ANXA11: variants seen among roughly 807,000 people sequenced by gnomAD.
ANXA11 encodes annexin A11, also known as 56 kDa autoantigen.
ANXA11 carries 57 observed loss-of-function variants against 64.7 expected under a neutral mutation model. The ratio of observed to expected loss-of-function variants is 0.88; its 90% confidence interval spans 0.71 to 1.10. The LOEUF is 1.10. ANXA11 is among the 50% of genes least tolerant of loss of function. ANXA11 has a pLI of 0.00. For missense variants in ANXA11, 675 were observed against 670.7 expected, an observed-to-expected ratio of 1.01 and a Z score of -0.07; for synonymous variants, 260 against 265.2, an observed-to-expected ratio of 0.98 and a Z score of 0.19.
At chr10:80,183,609 C>T (rs1846434045) in intron 1 of ANXA11, among the ~76,000 whole-genome samples, 1 of 152,210 alleles carries the variant, frequency 6.6e-6, no homozygotes, top group African/African-American at 2.4e-5. Context: ...GACGACAAAA[C>T]CTGACATCCC....
intron 3 of ANXA11, chr10:80,171,661 G>T (rs918146690): frequency 1.8e-5 from 18 of 985,416 alleles, no homozygotes; most frequent in African/African-American, 1.0e-4. Flanking sequence ...TCATCATGGG[G>T]CCTCTGGCCT....
chr10:80,157,045 A>T, intron 15 of ANXA11: 2 of 985,386 alleles, frequency 2.0e-6, no homozygotes, highest in Non-Finnish European at 2.4e-6. Flanking sequence ...GCTAGTGTTT[A>T]ATAGACACTT....
At chr10:80,161,437 ATTG>A (rs570542518) in intron 12 of ANXA11, among the ~76,000 whole-genome samples, 84 of 151,914 alleles carry the variant, frequency 5.5e-4, no homozygotes, top group African/African-American at 2.0e-3. Context: ...ATTTTATTTC[ATTG>A]TTGTTTACTG....
rs1564599570 is a variant in ANXA11 at position 80,159,203 on chromosome 10, G to A, written c.1181-8C>T. ...TCTGGTACTCATTGAAAACTATGGG[G>A]ATGACAGAGGCTTATATTATGAACT... On this transcript the variant is annotated splice_region_variant and splice_polypyrimidine_tract_variant and intron_variant, in intron 12 of 15. Transcript: ENST00000422982. 1 of 1,609,798 alleles carries A rather than the reference G, an allele frequency of 6.2e-7. No homozygotes were observed. The highest frequency in any genetic ancestry group is 1.3e-5 in the African/African-American group (1 of 74,804).
intron 1 of ANXA11, among the ~76,000 whole-genome samples, chr10:80,185,480 C>T (rs559078255): frequency 5.3e-5 from 8 of 152,346 alleles, no homozygotes; most frequent in African/African-American, 1.9e-4. Context: ...AACTACACAT[C>T]CCCTTTCCAG....
At chr10:80,188,751 GAC>G (rs1846649067) in intron 1 of ANXA11, among the ~76,000 whole-genome samples, 1 of 152,148 alleles carries the variant, frequency 6.6e-6, no homozygotes, top group African/African-American at 2.4e-5. Flanking sequence ...TGTAAAGCAG[GAC>G]ACAGTTATCT....
Position 80,153,329 on chromosome 10 carries a change from G to C in ANXA11, c.*2524C>G, listed in dbSNP as rs969613839. The C allele has an allele frequency of 2.0e-5, 3 of 152,220 alleles. No homozygotes were observed. Among genetic ancestry groups the C allele is most frequent in the Admixed American group, 2.0e-4 (3 of 15,278 alleles). 9.4% of individuals were successfully genotyped at this position (152,220 alleles called of 1,614,324 possible). Reference sequence around the variant, plus strand: ...ATTTCTGAGTTTTCAAGAGAAGCCAGAATTCCAGATTTTTAAAAATATGAA... The same window carrying C: ...ATTTCTGAGTTTTCAAGAGAAGCCACAATTCCAGATTTTTAAAAATATGAA... On this transcript the variant is annotated 3_prime_UTR_variant, in exon 16 of 16. Transcript: ENST00000422982.
chr10:80,195,523 G>C (rs1012196272), intron 1 of ANXA11, among the ~76,000 whole-genome samples: 1 of 152,192 alleles, frequency 6.6e-6, no homozygotes, highest in Non-Finnish European at 1.5e-5. Flanking sequence ...CACAAAAAAT[G>C]CATGTCCTTA....
intron 5 of ANXA11, among the ~76,000 whole-genome samples, chr10:80,167,764 C>T (rs1845804891): frequency 6.6e-6 from 1 of 152,252 alleles, no homozygotes. Context: ...TGAGCCTCCA[C>T]AACTGTGCAT....
chr10:80,175,854 C>T (rs986262197), intron 2 of ANXA11, among the ~76,000 whole-genome samples: 4 of 152,170 alleles, frequency 2.6e-5, no homozygotes, highest in Admixed American at 1.3e-4. Flanking sequence ...GTCAGGAGTT[C>T]GAGACCAGCC....
intron 1 of ANXA11, among the ~76,000 whole-genome samples, chr10:80,185,229 C>G (rs947926727): frequency 6.6e-6 from 1 of 152,144 alleles, no homozygotes; most frequent in Admixed American, 6.5e-5. Context: ...ATCTACTGCC[C>G]CCAGAAGTCT....
In ANXA11 at chr10:80,152,236, G is replaced by A. The variant is rs1845169567; in HGVS notation, c.*3617C>T. 1 of 152,200 alleles carries A rather than the reference G, an allele frequency of 6.6e-6. No homozygotes were observed. Among genetic ancestry groups the A allele is most frequent in the Admixed American group, 6.5e-5 (1 of 15,284 alleles). 9.4% of individuals were successfully genotyped at this position (152,200 alleles called of 1,614,324 possible). ...CAGGAGGCAGGAGAAGACCCATTGT[G>A]TTCTATCCCAGAAAGATGACCTGTA... On this transcript the variant is annotated 3_prime_UTR_variant, in exon 16 of 16. Coordinates refer to ENST00000422982, the MANE Select transcript of ANXA11 (RefSeq NM_145868.2).
chr10:80,161,374 CCCTA>C (rs1234157935), intron 12 of ANXA11, among the ~76,000 whole-genome samples: 1 of 152,226 alleles, frequency 6.6e-6, no homozygotes, highest in Non-Finnish European at 1.5e-5. Context: ...TACCATCACT[CCCTA>C]CCTGTTTCCA....
At position 80,157,782 on chromosome 10, in the gene ANXA11, A is replaced by G; in HGVS notation, c.1336-19T>C. On this transcript the variant is annotated intron_variant, in intron 14 of 15. Transcript: ENST00000422982. ...CTGCCCCCTAAAGAGAGTCCACCCA[A>G]GAGCATGAGCACCAGGCCTCCTCAC... The G allele has an allele frequency of 6.2e-7, 1 of 1,608,664 alleles. No homozygotes were observed. Among genetic ancestry groups the G allele is most frequent in the South Asian group, 1.1e-5 (1 of 90,512 alleles).
At position 80,157,766 on chromosome 10, in the gene ANXA11, A is replaced by G; in HGVS notation, c.1336-3T>C. 5 of 1,612,308 alleles carry G rather than the reference A, an allele frequency of 3.1e-6. No individual in the cohort carries two copies. The highest frequency in any genetic ancestry group is 4.2e-6 in the Non-Finnish European group (5 of 1,179,024). The stretch of plus-strand genomic sequence containing the variant: ...GTCCGGTCCTTTGTTCCTGCCCCCT[A>G]AAGAGAGTCCACCCAAGAGCATGAG... On this transcript the variant is annotated splice_polypyrimidine_tract_variant and splice_region_variant and intron_variant, in intron 14 of 15. Coordinates refer to ENST00000422982, the MANE Select transcript of ANXA11 (RefSeq NM_145868.2).
At chr10:80,159,079 C>T (rs544596453) in intron 13 of ANXA11, 21 bp downstream of exon 13, 35 of 1,600,040 alleles carry the variant, frequency 2.2e-5, no homozygotes, top group East Asian at 4.5e-5. Flanking sequence ...GGCAGGTGGG[C>T]GGCAAACCTG....
chr10:80,157,300 C>T (rs1845311794), intron 15 of ANXA11: 1 of 985,300 alleles, frequency 1.0e-6, no homozygotes, highest in South Asian at 4.7e-5. Context: ...GGAGTGACAG[C>T]AGAGCTCCAC....
intron 1 of ANXA11, among the ~76,000 whole-genome samples, chr10:80,176,729 G>A (rs181334554): frequency 1.3e-5 from 2 of 151,838 alleles, no homozygotes; most frequent in Non-Finnish European, 2.9e-5. Flanking sequence ...AGCCTTGATG[G>A]CGCTCGTGGA....
intron 1 of ANXA11, among the ~76,000 whole-genome samples, chr10:80,191,000 C>G (rs1184614593): frequency 1.3e-5 from 2 of 151,740 alleles, no homozygotes; most frequent in Non-Finnish European, 2.9e-5. Flanking sequence ...CTGAGGCAGG[C>G]GGATCACCTG....
Sources: gnomAD v4.1 joint callset for allele counts (sites outside exome capture counted in the v4.1 genomes callset) on GRCh38, gnomAD v4.1.1 for gene constraint, MANE v1.5 for transcripts, NCBI Gene and HGNC (gene_info 2026-07-23, HGNC 2026-07-21) for gene names.